Variants in SLC30A8 observed in about 807,000 individuals in gnomAD.
The protein encoded by SLC30A8 is proton-coupled zinc antiporter SLC30A8.
A neutral mutation model predicts 36.9 loss-of-function variants in SLC30A8; 27 were observed. The observed-to-expected ratio is 0.73, with a 90% CI of 0.54 to 1.01. SLC30A8 has a LOEUF of 1.01. SLC30A8 is among the 50% of genes least tolerant of loss of function. The probability of loss-of-function intolerance (pLI) is 0.00; values close to 1 mark genes in which losing one functional copy is unlikely to be tolerated. For missense variants in SLC30A8, 439 were observed against 452.0 expected (o/e 0.97, Z 0.26); for synonymous variants, 164 against 172.4 (o/e 0.95, Z 0.38).
chr8:116,983,841 A>G (rs912913224), intron 1 of SLC30A8, among the ~76,000 whole-genome samples: 7 of 152,052 alleles, frequency 4.6e-5, no homozygotes, highest in South Asian at 2.1e-4. Flanking sequence ...TCTTACTCCA[A>G]TTTTACATGC....
chr8:117,029,701 G>A (rs1184758471), intron 1 of SLC30A8, among the ~76,000 whole-genome samples: 3 of 152,152 alleles, frequency 2.0e-5, no homozygotes, highest in Non-Finnish European at 2.9e-5. Flanking sequence ...CAAACAAGTA[G>A]ATTACAGGAA....
chr8:117,029,658 A>AC (rs1482543402), intron 1 of SLC30A8, among the ~76,000 whole-genome samples: 1 of 152,208 alleles, frequency 6.6e-6, no homozygotes, highest in Non-Finnish European at 1.5e-5. Context: ...TCTGTCTCTC[A>AC]CACAAACAGC....
intron 2 of SLC30A8, among the ~76,000 whole-genome samples, chr8:117,115,768 G>A (rs1415662704): frequency 6.6e-6 from 1 of 152,002 alleles, no homozygotes. Flanking sequence ...GCTCATTGAG[G>A]CTGTGGCATA....
chr8:117,003,941 G>A (rs1025607222), intron 1 of SLC30A8, among the ~76,000 whole-genome samples: 1 of 152,056 alleles, frequency 6.6e-6, no homozygotes, highest in African/African-American at 2.4e-5. Context: ...TTCCATTAAA[G>A]CCAGAATATT....
intron 1 of SLC30A8, among the ~76,000 whole-genome samples, chr8:117,031,748 G>A (rs761605301): frequency 6.6e-6 from 1 of 152,142 alleles, no homozygotes; most frequent in Non-Finnish European, 1.5e-5. Context: ...ACAGGCGTGA[G>A]CCACCGCACC....
chr8:117,019,371 G>A (rs1816630737), intron 1 of SLC30A8, among the ~76,000 whole-genome samples: 1 of 152,120 alleles, frequency 6.6e-6, no homozygotes, highest in South Asian at 2.1e-4. Flanking sequence ...CAAAAATAAA[G>A]GCAGTTTCTA....
At chr8:116,956,870 A>G (rs1814224254) in intron 1 of SLC30A8, among the ~76,000 whole-genome samples, 3 of 152,226 alleles carry the variant, frequency 2.0e-5, no homozygotes, top group Admixed American at 1.3e-4. Flanking sequence ...ACTGGTACCA[A>G]TTACAAAGTA....
At chr8:117,045,339 C>A (rs1817517834) in intron 2 of SLC30A8, among the ~76,000 whole-genome samples, 1 of 152,074 alleles carries the variant, frequency 6.6e-6, no homozygotes, top group African/African-American at 2.4e-5. Context: ...CGTTCCCCCA[C>A]CGTACTTGAA....
intron 2 of SLC30A8, among the ~76,000 whole-genome samples, chr8:117,118,973 G>A (rs1820569786): frequency 1.3e-5 from 2 of 151,890 alleles, no homozygotes; most frequent in South Asian, 4.1e-4. Flanking sequence ...GGGCCTCTGA[G>A]ACAGGCCTAA....
intron 1 of SLC30A8, among the ~76,000 whole-genome samples, chr8:116,963,474 C>T (rs138075394): frequency 5.7e-4 from 86 of 152,162 alleles, no homozygotes; most frequent in African/African-American, 1.9e-3. Context: ...TGCTAATATA[C>T]TTTATGGATT....
At chr8:117,003,454 G>A (rs1019562532) in intron 1 of SLC30A8, among the ~76,000 whole-genome samples, 7 of 152,284 alleles carry the variant, frequency 4.6e-5, no homozygotes, top group Admixed American at 2.6e-4. Flanking sequence ...TGCACATAAA[G>A]CTTTGTGTAT....
At chr8:117,120,183 A>G (rs1820630718) in intron 2 of SLC30A8, among the ~76,000 whole-genome samples, 1 of 151,972 alleles carries the variant, frequency 6.6e-6, no homozygotes, top group Non-Finnish European at 1.5e-5. Flanking sequence ...GAAAAAACAA[A>G]AATGAAGGTA....
chr8:117,095,479 A>G (rs534867212), intron 2 of SLC30A8, among the ~76,000 whole-genome samples: 2 of 152,114 alleles, frequency 1.3e-5, no homozygotes, highest in East Asian at 3.9e-4. Context: ...AAATATATTT[A>G]TATTGCCAAA....
chr8:117,176,031 C>G lies in SLC30A8; in HGVS notation c.*3350C>G, dbSNP rs917143579. The G allele has an allele frequency of 2.0e-5, 3 of 152,084 alleles. No individual in the cohort carries two copies. Among genetic ancestry groups the G allele is most frequent in the Admixed American group, 2.0e-4 (3 of 15,232 alleles). The allele number at this position is 152,084 out of a possible 1,614,324, so 9.4% of individuals were successfully genotyped here. A position where few individuals can be genotyped will look rare whatever the true frequency, so the allele number is the denominator to read the frequency against. ...GTGCAATGAAGGCAAAGTCATAGGTCTCCCAAGTCTTACCCCATTCCTGTG... is the reference window on the plus strand; with the variant it reads ...GTGCAATGAAGGCAAAGTCATAGGTGTCCCAAGTCTTACCCCATTCCTGTG... On this transcript the variant is annotated 3_prime_UTR_variant, in exon 8 of 8. Transcript: ENST00000456015.
chr8:117,113,450 T>C (rs116337872), intron 2 of SLC30A8, among the ~76,000 whole-genome samples: 1 of 152,104 alleles, frequency 6.6e-6, no homozygotes, highest in Admixed American at 6.6e-5. Context: ...ATAAGAAAAT[T>C]GTTGCAAAAG....
chr8:117,116,938 C>G (rs1236903962), intron 2 of SLC30A8, among the ~76,000 whole-genome samples: 2 of 152,120 alleles, frequency 1.3e-5, no homozygotes, highest in Non-Finnish European at 1.5e-5. Flanking sequence ...TGAAACTACC[C>G]CACCTATACA....
chr8:117,020,512 T>C (rs974260898), intron 1 of SLC30A8, among the ~76,000 whole-genome samples: 1 of 152,188 alleles, frequency 6.6e-6, no homozygotes, highest in Non-Finnish European at 1.5e-5. Flanking sequence ...GACCTAGCAG[T>C]CTTATTCAGG....
intron 1 of SLC30A8, among the ~76,000 whole-genome samples, chr8:117,027,299 AT>A (rs1254551481): frequency 1.3e-5 from 2 of 152,104 alleles, no homozygotes; most frequent in Non-Finnish European, 2.9e-5. Flanking sequence ...ATGAGGCTAC[AT>A]TAGCCTGTTT....
intron 1 of SLC30A8, among the ~76,000 whole-genome samples, chr8:116,974,740 A>G (rs1814922606): frequency 1.3e-5 from 2 of 152,136 alleles, no homozygotes; most frequent in Admixed American, 1.3e-4. Context: ...ATGCACACGT[A>G]TGTTTATTGT....
Sources: allele counts gnomAD v4.1 joint callset (sites outside exome capture counted in the v4.1 genomes callset), GRCh38; gene constraint gnomAD v4.1.1; transcripts MANE v1.5; gene names NCBI Gene and HGNC (gene_info 2026-07-23, HGNC 2026-07-21).